SPATA6: variants seen among roughly 807,000 people sequenced by gnomAD.
The protein encoded by SPATA6 is spermatogenesis-associated protein 6.
A neutral mutation model predicts 65.3 loss-of-function variants in SPATA6; 56 were observed. The ratio of observed to expected loss-of-function variants is 0.86; its 90% CI spans 0.69 to 1.07. The LOEUF (loss-of-function observed/expected upper bound fraction) is 1.07, where lower values mean the gene tolerates loss of function less well. Among genes scored for constraint, SPATA6 ranks in the 50% least tolerant of loss-of-function variants. The probability of loss-of-function intolerance (pLI) is 0.00; values close to 1 mark genes in which losing one functional copy is unlikely to be tolerated. For missense variants in SPATA6, 590 were observed against 594.8 expected (o/e 0.99, Z 0.08); for synonymous variants, 199 against 213.2 (o/e 0.93, Z 0.58).
intron 8 of SPATA6, among the ~76,000 whole-genome samples, chr1:48,388,304 C>T (rs952135674): frequency 2.6e-5 from 4 of 151,688 alleles, no homozygotes; most frequent in African/African-American, 9.7e-5. Flanking sequence ...AAGTGCCCTA[C>T]CCAACCAGTA....
At chr1:48,396,032 T>C (rs1650554479) in intron 7 of SPATA6, among the ~76,000 whole-genome samples, 1 of 151,640 alleles carries the variant, frequency 6.6e-6, no homozygotes, top group South Asian at 2.1e-4. Context: ...AACAAATAGA[T>C]TTAAAAATGA....
At chr1:48,331,107 G>A (rs1299279857) in intron 11 of SPATA6, among the ~76,000 whole-genome samples, 1 of 152,154 alleles carries the variant, frequency 6.6e-6, no homozygotes, top group Non-Finnish European at 1.5e-5. Flanking sequence ...TTCAAAGACT[G>A]AAAGAACGTA....
At chr1:48,376,532 A>G (rs1312112868) in intron 9 of SPATA6, among the ~76,000 whole-genome samples, 2 of 152,028 alleles carry the variant, frequency 1.3e-5, no homozygotes, top group Non-Finnish European at 2.9e-5. Context: ...GGAATTTAAA[A>G]AAAAAAAAAG....
At chr1:48,440,773 C>T (rs1266549918) in intron 3 of SPATA6, among the ~76,000 whole-genome samples, 1 of 152,178 alleles carries the variant, frequency 6.6e-6, no homozygotes, top group Non-Finnish European at 1.5e-5. Flanking sequence ...AAGTTTATTA[C>T]CCAATCAGTC....
intron 11 of SPATA6, among the ~76,000 whole-genome samples, chr1:48,321,201 C>T (rs1371787078): frequency 6.6e-6 from 1 of 152,034 alleles, no homozygotes. Flanking sequence ...ACAGACTTCT[C>T]CGCTCAAAAG....
the SPATA6 span, among the ~76,000 whole-genome samples, chr1:48,276,529 T>C: frequency 6.6e-6 from 1 of 152,332 alleles, no homozygotes; most frequent in Non-Finnish European, 1.5e-5. Flanking sequence ...TTCTGGTATG[T>C]TGTGTCTTTG....
At chr1:48,469,713 A>G (rs1332021179) in intron 1 of SPATA6, among the ~76,000 whole-genome samples, 2 of 152,040 alleles carry the variant, frequency 1.3e-5, no homozygotes, top group African/African-American at 4.8e-5. Flanking sequence ...TGTTAAAAAT[A>G]TCTAGGGTCA....
intron 12 of SPATA6, among the ~76,000 whole-genome samples, chr1:48,299,917 G>A (rs1415806089): frequency 1.3e-5 from 2 of 152,080 alleles, no homozygotes; most frequent in Admixed American, 1.3e-4. Context: ...AGAAAATTAG[G>A]CTAACTGTGA....
At chr1:48,376,113 C>G (rs546173490) in intron 9 of SPATA6, among the ~76,000 whole-genome samples, 202 of 152,268 alleles carry the variant, frequency 1.3e-3, no homozygotes, top group Admixed American at 2.6e-3. Flanking sequence ...TTCCTTATCT[C>G]CTGTGTTATG....
At chr1:48,428,775 A>ATATGTGTGTGTGTGTG (rs374475889) in intron 3 of SPATA6, among the ~76,000 whole-genome samples, 1 of 133,496 alleles carries the variant, frequency 7.5e-6, no homozygotes, top group Non-Finnish European at 1.6e-5. Flanking sequence ...AGGTGTATAT[A>ATATGTGTGTGTGTGTG]TGTGTGTGTG....
chr1:48,278,552 T>C, the SPATA6 span, among the ~76,000 whole-genome samples: 76 of 152,246 alleles, frequency 5.0e-4, no homozygotes, highest in African/African-American at 1.8e-3. Flanking sequence ...CCTCAGGAGC[T>C]GATGTGATCA....
At chr1:48,302,477 A>G (rs191886632) in intron 12 of SPATA6, among the ~76,000 whole-genome samples, 1 of 152,310 alleles carries the variant, frequency 6.6e-6, no homozygotes, top group East Asian at 1.9e-4. Context: ...AACATGTGGT[A>G]CTTGTCTTGG....
At chr1:48,361,069 T>C (rs557920225) in intron 9 of SPATA6, among the ~76,000 whole-genome samples, 64 of 152,128 alleles carry the variant, frequency 4.2e-4, no homozygotes, top group Non-Finnish European at 8.4e-4. Flanking sequence ...ACAGCAGAGT[T>C]TGGGGGAAAG....
Position 48,411,573 on chromosome 1 carries a change from G to A in SPATA6, c.296C>T (p.Ser99Phe), listed in dbSNP as rs755148776. ...QLVPPVGETLSTYDENTRDFM... is the reference protein window; with the variant it reads ...QLVPPVGETLFTYDENTRDFM... ...ATCTCGTGTATTTTCGTCATACGTA[G>A]ACAGTGTTTCACCCACTACAAGAAA... The change falls in exon 5 of 13, where the codon TCT (serine) becomes TTT (phenylalanine). Residue 99 changes from serine (S) to phenylalanine (F), a missense_variant. Physicochemically the swap from Ser to Phe is radical, Grantham distance 155. Transcript: ENST00000371847. 1.2e-6 allele frequency: 2 copies of A among 1,601,012 alleles called. No homozygotes were observed. Among genetic ancestry groups the A allele is most frequent in the Non-Finnish European group, 1.7e-6 (2 of 1,174,202 alleles).
At chr1:48,359,855 G>T in intron 9 of SPATA6, 85 bp from the exon 10 acceptor site, 1 of 999,588 alleles carries the variant, frequency 1.0e-6, no homozygotes, top group Non-Finnish European at 1.4e-6. Context: ...AGTATGCATA[G>T]TAGTCATATG....
chr1:48,467,707 G>A (rs1657916889), intron 1 of SPATA6, among the ~76,000 whole-genome samples: 1 of 151,998 alleles, frequency 6.6e-6, no homozygotes, highest in Non-Finnish European at 1.5e-5. Context: ...AAACTCAATA[G>A]CAAGAAAACA....
intron 3 of SPATA6, among the ~76,000 whole-genome samples, chr1:48,439,725 T>C (rs1655288586): frequency 6.6e-6 from 1 of 150,880 alleles, no homozygotes; most frequent in African/African-American, 2.4e-5. Context: ...TTGAAATGCA[T>C]CCTAAGCCAT....
In SPATA6 at chr1:48,378,499, G is replaced by C. The variant is rs552338681; in HGVS notation, c.909+6810C>G. 6.6e-5 allele frequency among the ~76,000 whole-genome samples: 10 copies of C among 152,248 alleles called. No homozygotes were observed. In the South Asian group the frequency reaches 1.7e-3, roughly 25 times the overall value. On this transcript the variant is annotated intron_variant, in intron 9 of 12. Coordinates refer to ENST00000371847, the MANE Select transcript of SPATA6 (RefSeq NM_019073.4). ...ATACACAAGACTGGGAAGAAAAAGAGGTTTAATTGGACTTACAGTTCCACA... is the reference window on the plus strand; with the variant it reads ...ATACACAAGACTGGGAAGAAAAAGACGTTTAATTGGACTTACAGTTCCACA...
intron 10 of SPATA6, among the ~76,000 whole-genome samples, chr1:48,356,470 G>C (rs573173392): frequency 6.7e-6 from 1 of 148,600 alleles, no homozygotes; most frequent in South Asian, 2.1e-4. Context: ...TTGCTATGTT[G>C]CTGAAAACTT....
Sources: allele counts gnomAD v4.1 joint callset (sites outside exome capture counted in the v4.1 genomes callset), GRCh38; gene constraint gnomAD v4.1.1; transcripts MANE v1.5; gene names NCBI Gene and HGNC (gene_info 2026-07-23, HGNC 2026-07-21).